Variants in TEX2 observed in about 807,000 individuals in gnomAD.
The protein encoded by TEX2 is testis expressed 2.
TEX2 carries 53 observed loss-of-function variants against 106.9 expected under a neutral mutation model. That is an observed-to-expected ratio of 0.50 (90% CI 0.40 to 0.62). The LOEUF (loss-of-function observed/expected upper bound fraction) is 0.62, where lower values mean the gene tolerates loss of function less well. Among genes scored for constraint, TEX2 ranks in the 20% least tolerant of loss-of-function variants. The pLI is 0.00. For missense variants in TEX2, 1,207 were observed against 1,379.0 expected, an observed-to-expected ratio of 0.88 and a Z score of 1.98; for synonymous variants, 523 against 534.8, an observed-to-expected ratio of 0.98 and a Z score of 0.30.
At chr17:64,233,087 T>C (rs2033691736) in intron 1 of TEX2, among the ~76,000 whole-genome samples, 1 of 152,200 alleles carries the variant, frequency 6.6e-6, no homozygotes, top group African/African-American at 2.4e-5. Flanking sequence ...ATCATGATTG[T>C]GGAGTTTCAC....
chr17:64,228,213 A>G (rs782336441), intron 1 of TEX2, among the ~76,000 whole-genome samples: 2 of 152,264 alleles, frequency 1.3e-5, no homozygotes, highest in African/African-American at 2.4e-5. Context: ...ACAGATGTAG[A>G]GGAAAAGTGA....
At chr17:64,236,230 A>G (rs1201959118) in intron 1 of TEX2, among the ~76,000 whole-genome samples, 2 of 152,240 alleles carry the variant, frequency 1.3e-5, no homozygotes, top group African/African-American at 4.8e-5. Flanking sequence ...AGCTATTTAC[A>G]TAGTATTCAC....
At chr17:64,170,696 G>C (rs9906927) in intron 7 of TEX2, among the ~76,000 whole-genome samples, 104,496 of 145,936 alleles carry the variant, frequency 0.72, 37,316 homozygotes, top group East Asian at 0.82. Flanking sequence ...CCAGTGGCAC[G>C]ATCTTGGCTC....
intron 1 of TEX2, among the ~76,000 whole-genome samples, chr17:64,252,545 G>A (rs1391554333): frequency 6.6e-6 from 1 of 152,018 alleles, no homozygotes; most frequent in African/African-American, 2.4e-5. Flanking sequence ...TTGAATCCTG[G>A]GCTCAAGCGA....
At chr17:64,257,354 CT>C (rs1167179575) in intron 1 of TEX2, among the ~76,000 whole-genome samples, 1 of 152,220 alleles carries the variant, frequency 6.6e-6, no homozygotes, top group African/African-American at 2.4e-5. Flanking sequence ...CTTTCAAGGA[CT>C]TAAGTCTTCT....
intron 6 of TEX2, among the ~76,000 whole-genome samples, chr17:64,177,026 G>C (rs2031642999): frequency 6.6e-6 from 1 of 152,154 alleles, no homozygotes; most frequent in African/African-American, 2.4e-5. Context: ...AATTATATAA[G>C]ACGAATCGGT....
At chr17:64,262,927 G>C (rs2034322579) in intron 1 of TEX2, among the ~76,000 whole-genome samples, 1 of 152,190 alleles carries the variant, frequency 6.6e-6, no homozygotes, top group South Asian at 2.1e-4. Flanking sequence ...CCTCCCGCCG[G>C]AGTCGAGCCC....
At chr17:64,152,837 C>T (rs1463092194) in intron 10 of TEX2, 108 bp downstream of exon 10, 15 of 1,133,348 alleles carry the variant, frequency 1.3e-5, no homozygotes, top group Non-Finnish European at 1.9e-5. Context: ...GGAAGTGCTT[C>T]TGCCCGGGAG....
rs142514424 is a variant in TEX2 at position 64,223,774 on chromosome 17, G to A, written c.-25-9532C>T. On this transcript the variant is annotated intron_variant, in intron 1 of 11. Coordinates refer to ENST00000584379, the MANE Select transcript of TEX2 (RefSeq NM_001288732.2). ...CTTATTGCCCAGGCTGGAGAGCAAT[G>A]GCACGATCTAGGCTCACTGCAACCT... 5.1e-5 allele frequency among the ~76,000 whole-genome samples: 7 copies of A among 137,956 alleles called. No homozygotes were observed. The East Asian group carries it at 1.6e-3, about 31-fold the overall frequency. 90.5% of individuals were successfully genotyped at this position (137,956 alleles called of 152,430 possible).
At chr17:64,177,304 C>A in intron 6 of TEX2, 21 bp downstream of exon 6, 1 of 1,613,766 alleles carries the variant, frequency 6.2e-7, no homozygotes, top group Non-Finnish European at 8.5e-7. Flanking sequence ...GATTAGAAGC[C>A]TCTTGTGTGG....
intron 2 of TEX2, among the ~76,000 whole-genome samples, chr17:64,209,257 A>G (rs2032927234): frequency 6.6e-6 from 1 of 152,252 alleles, no homozygotes; most frequent in African/African-American, 2.4e-5. Flanking sequence ...ATTCAGTAAA[A>G]TTAACTAAGT....
rs1555632292 is a variant in TEX2, at chr17:64,214,201, C to A, written c.17G>T (p.Gly6Val). The change falls in exon 2 of 12, where the codon GGT becomes GTT. Residue 6 changes from glycine to valine, a missense_variant. Gly to Val is a moderately radical substitution (Grantham distance 109). This residue lies in a region of TEX2 where 1,067 missense variants were observed against 1,193.6 expected (regional missense o/e 0.89). Transcript: ENST00000584379. MTSLY[G>V]RHAEKTTDMP... ...GTCAGTGGTTTTCTCGGCATGGCGA[C>A]CATACAGACTTGTCATTGCCGGCTT... The A allele has an allele frequency of 1.2e-6, 2 of 1,613,548 alleles. No homozygotes were observed. Among genetic ancestry groups the A allele is most frequent in the South Asian group, 2.2e-5 (2 of 91,026 alleles).
chr17:64,169,240 C>T (rs746912689), intron 7 of TEX2, among the ~76,000 whole-genome samples: 1 of 152,002 alleles, frequency 6.6e-6, no homozygotes. Context: ...GGTTTCACCA[C>T]GTTGGCCAGG....
chr17:64,150,706 T>G (rs2030308141), intron 11 of TEX2, 135 bp downstream of exon 11: 1 of 943,000 alleles, frequency 1.1e-6, no homozygotes, highest in Non-Finnish European at 1.6e-6. Context: ...TTTGATCAAA[T>G]GTAATACTCT....
chr17:64,208,250 T>G (rs1022711885), intron 2 of TEX2, among the ~76,000 whole-genome samples: 4 of 152,144 alleles, frequency 2.6e-5, no homozygotes, highest in Non-Finnish European at 4.4e-5. Flanking sequence ...TTTTGTTTTG[T>G]TTTTTTGAGA....
rs145149296 is a variant in TEX2, at chr17:64,170,411, C to T, written c.2671+689G>A. On this transcript the variant is annotated intron_variant, in intron 7 of 11. Coordinates refer to ENST00000584379, the MANE Select transcript of TEX2 (RefSeq NM_001288732.2). ...GTGAGGAGAGGCAGCTCCTGGCAAG[C>T]GGCTAGGGCTGGGGCAGCTGCACCC... is the stretch of plus-strand genomic sequence containing the variant. 3.6e-3 allele frequency among the ~76,000 whole-genome samples: 555 copies of T among 152,228 alleles called. 2 individuals are homozygous for T. Among genetic ancestry groups the T allele is most frequent in the Non-Finnish European group, 5.4e-3 (365 of 68,002 alleles).
At position 64,213,799 on chromosome 17, in the gene TEX2, G is replaced by A. The variant is rs782361810; in HGVS notation, c.419C>T (p.Ser140Leu). The A allele has an allele frequency of 5.0e-6, 8 of 1,614,192 alleles. No individual in the cohort carries two copies. The highest frequency in any genetic ancestry group is 1.6e-4 in the Middle Eastern group (1 of 6,062). The change falls in exon 2 of 12, where the codon TCG becomes TTG. Residue 140 changes from serine to leucine, a missense_variant. Around this residue, in one of 3 missense-constraint regions of TEX2, gnomAD observed 1,067 missense variants for 1,193.6 expected, o/e 0.89. Coordinates refer to ENST00000584379, the MANE Select transcript of TEX2 (RefSeq NM_001288732.2). The surrounding 1 kb of genome is among the most constrained non-coding windows in gnomAD (Gnocchi z 4.4). Reference protein sequence around the residue: ...VPLAVSPGSSSSGPLASSPSV... With the variant: ...VPLAVSPGSSLSGPLASSPSV... ...GGGAGAGCTAGCTAAGGGCCCCGAC[G>A]AAGACGACCCTGGGGACACAGCCAA... is the stretch of plus-strand genomic sequence containing the variant.
chr17:64,228,929 T>TGTACACACACACAC (rs531528606), intron 1 of TEX2, among the ~76,000 whole-genome samples: 1 of 146,648 alleles, frequency 6.8e-6, no homozygotes, highest in African/African-American at 2.5e-5. Flanking sequence ...GACTGACAGG[T>TGTACACACACACAC]ACACACACAC....
rs752181507 is a variant in TEX2, at chr17:64,188,417, TG to T, written c.2177-3del. On this transcript the variant is annotated splice_region_variant and splice_polypyrimidine_tract_variant and intron_variant, in intron 4 of 11. Coordinates refer to ENST00000584379, the MANE Select transcript of TEX2 (RefSeq NM_001288732.2). ...GTCTGCTGTGTGCAGGCAAAAGCCC[TG>T]GAGCCAAGAAGACGGGGGCTATTCA... The T allele has an allele frequency of 6.2e-7, 1 of 1,614,142 alleles. No homozygotes were observed. The highest frequency in any genetic ancestry group is 1.7e-5 in the Admixed American group (1 of 60,026).
Sources: allele counts gnomAD v4.1 joint callset (sites outside exome capture counted in the v4.1 genomes callset), GRCh38; gene constraint gnomAD v4.1.1; regional missense constraint gnomAD v4.1.1; non-coding constraint Gnocchi (gnomAD v3.1); transcripts MANE v1.5; gene names NCBI Gene and HGNC (gene_info 2026-07-23, HGNC 2026-07-21).